ANO2: variants seen among roughly 807,000 people sequenced by gnomAD.
ANO2 encodes anoctamin-2.
ANO2 carries 101 observed loss-of-function variants against 124.2 expected under a neutral mutation model. The observed-to-expected ratio is 0.81, with a 90% confidence interval of 0.69 to 0.96. The LOEUF is 0.96. Ranked by LOEUF, ANO2 falls within the 40% of genes least tolerant of loss-of-function variation. ANO2 has a pLI of 0.00. For synonymous variants in ANO2, 486 were observed against 482.5 expected (o/e 1.01, Z -0.09); for missense variants, 1,293 against 1,274.5 (o/e 1.01, Z -0.22).
At chr12:5,610,595 ATATATT>A (rs1265231860) in intron 19 of ANO2, among the ~76,000 whole-genome samples, 1 of 142,790 alleles carries the variant, frequency 7.0e-6, no homozygotes, top group Non-Finnish European at 1.5e-5. Flanking sequence ...ATATTTATAA[ATATATT>A]TATATTTATA....
At chr12:5,584,186 G>T in intron 20 of ANO2, 1 of 149,626 alleles carries the variant, frequency 6.7e-6, no homozygotes, top group South Asian at 1.7e-4. Flanking sequence ...ACTGGCACAC[G>T]GCAGTTGCCT....
At chr12:5,804,972 A>G (rs1440802268) in intron 9 of ANO2, among the ~76,000 whole-genome samples, 1 of 152,122 alleles carries the variant, frequency 6.6e-6, no homozygotes, top group Non-Finnish European at 1.5e-5. Flanking sequence ...GAGAGAGGTG[A>G]GATGTGGTGA....
At chr12:5,597,563 T>C (rs1325352294) in intron 20 of ANO2, among the ~76,000 whole-genome samples, 3 of 152,174 alleles carry the variant, frequency 2.0e-5, no homozygotes, top group East Asian at 1.9e-4. Flanking sequence ...CTAGAAAACT[T>C]TGGGGTCTCT....
At chr12:5,580,414 G>A (rs900442265) in intron 20 of ANO2, among the ~76,000 whole-genome samples, 1 of 152,128 alleles carries the variant, frequency 6.6e-6, no homozygotes, top group African/African-American at 2.4e-5. Flanking sequence ...ACAAACTTAA[G>A]GTTTAAGCAC....
At chr12:5,592,487 G>A (rs770758338) in intron 20 of ANO2, among the ~76,000 whole-genome samples, 1 of 152,170 alleles carries the variant, frequency 6.6e-6, no homozygotes, top group Non-Finnish European at 1.5e-5. Flanking sequence ...ATACACACAC[G>A]CGGGCCTGCA....
chr12:5,711,565 C>A lies in ANO2; in HGVS notation c.1545+20955G>T, dbSNP rs1949821167. On this transcript the variant is annotated intron_variant, in intron 14 of 24. Coordinates refer to ENST00000682330, the MANE Select transcript of ANO2 (RefSeq NM_001364791.2). Reference sequence around the variant, plus strand: ...ACAGAGGCCCAGAGAATAAAAATTGCAGGTCTCATATACGTAAGACACTTT... The same window carrying A: ...ACAGAGGCCCAGAGAATAAAAATTGAAGGTCTCATATACGTAAGACACTTT... Among the ~76,000 whole-genome samples, 5 of 152,308 alleles carry A rather than the reference C, an allele frequency of 3.3e-5. No homozygotes were observed. The South Asian group carries it at 1.0e-3, about 32-fold the overall frequency.
intron 7 of ANO2, among the ~76,000 whole-genome samples, chr12:5,816,507 A>G (rs1470008857): frequency 6.6e-6 from 1 of 152,120 alleles, no homozygotes; most frequent in Non-Finnish European, 1.5e-5. Context: ...GCTACTGTGA[A>G]GTTAACAGAC....
intron 10 of ANO2, among the ~76,000 whole-genome samples, chr12:5,770,599 C>G (rs1952048120): frequency 6.6e-6 from 1 of 152,168 alleles, no homozygotes; most frequent in Non-Finnish European, 1.5e-5. Context: ...AACCATGTGT[C>G]ACCATCTCCA....
At chr12:5,798,014 G>A (rs1264109883) in intron 10 of ANO2, among the ~76,000 whole-genome samples, 4 of 152,092 alleles carry the variant, frequency 2.6e-5, no homozygotes, top group Admixed American at 6.5e-5. Context: ...AAGTCTCTGC[G>A]GGAAAAGATA....
intron 4 of ANO2, among the ~76,000 whole-genome samples, chr12:5,849,930 G>A (rs1023214898): frequency 1.6e-4 from 24 of 152,068 alleles, no homozygotes; most frequent in African/African-American, 3.9e-4. Flanking sequence ...AGCGAGTCTC[G>A]TCTTCCATTT....
At chr12:5,594,349 T>A (rs1385645400) in intron 20 of ANO2, among the ~76,000 whole-genome samples, 1 of 152,168 alleles carries the variant, frequency 6.6e-6, no homozygotes, top group African/African-American at 2.4e-5. Flanking sequence ...AGCCTTACTA[T>A]CCCTCCTCTG....
At chr12:5,914,484 G>A (rs995969322) in intron 3 of ANO2, among the ~76,000 whole-genome samples, 1 of 152,172 alleles carries the variant, frequency 6.6e-6, no homozygotes, top group African/African-American at 2.4e-5. Flanking sequence ...CCGAGACAGA[G>A]TAGGGCTCCA....
At chr12:5,752,369 T>G (rs1441668427) in intron 10 of ANO2, among the ~76,000 whole-genome samples, 4 of 152,310 alleles carry the variant, frequency 2.6e-5, no homozygotes, top group Middle Eastern at 3.4e-3. Context: ...GCACCAACAC[T>G]TTTTATCTTT....
At position 5,900,859 on chromosome 12, in the gene ANO2, G is replaced by A. The variant is rs1447571690; in HGVS notation, c.534+20181C>T. Among the ~76,000 whole-genome samples, 3 of 152,166 alleles carry A rather than the reference G, an allele frequency of 2.0e-5. No individual in the cohort carries two copies. The highest frequency in any genetic ancestry group is 4.8e-5 in the African/African-American group (2 of 41,434). ...GGCAGGAAGGCGTCTCCTTGTTCTC[G>A]GCTCAGGAGACTCAGAGAAAGCCCA... On this transcript the variant is annotated intron_variant, in intron 3 of 24. Transcript: ENST00000682330. This position sits in a 1 kb window ranked among gnomAD's most constrained non-coding sequence, Gnocchi z 4.2.
chr12:5,647,741 AG>A lies in ANO2; in HGVS notation c.1605del (p.Ser536ProfsTer5), dbSNP rs770251119. 1 of 1,609,916 alleles carries A rather than the reference AG, an allele frequency of 6.2e-7. No individual in the cohort carries two copies. Among genetic ancestry groups the A allele is most frequent in the Non-Finnish European group, 8.5e-7 (1 of 1,178,418 alleles). ...AAGGAAATTACCATGAATAAGATGGAGGCAAAGTTCATCAGGTAACCTGGGA... is the reference window on the plus strand; with the variant it reads ...AAGGAAATTACCATGAATAAGATGGAGCAAAGTTCATCAGGTAACCTGGGA... The part of the protein sequence containing the change: ...DRFPGYLMNF[A>X]SILFMIALTF... On this transcript the variant is annotated frameshift_variant, in exon 15 of 25. Coordinates refer to ENST00000682330, the MANE Select transcript of ANO2 (RefSeq NM_001364791.2). LOFTEE classifies it high-confidence loss of function.
chr12:5,922,295 A>T, intron 2 of ANO2, among the ~76,000 whole-genome samples: 1 of 152,200 alleles, frequency 6.6e-6, no homozygotes, highest in Non-Finnish European at 1.5e-5. Flanking sequence ...CTCCAGGCAC[A>T]AGGGAGAGAC....
chr12:5,911,962 G>A (rs1012777607), intron 3 of ANO2, among the ~76,000 whole-genome samples: 1 of 152,208 alleles, frequency 6.6e-6, no homozygotes, highest in Non-Finnish European at 1.5e-5. Context: ...CTAAGGTGAT[G>A]CACAGACCAG....
Position 5,615,280 on chromosome 12 carries a change from G to A in ANO2, c.1834C>T (p.Gln612Ter). 6.2e-7 allele frequency: 1 copy of A among 1,613,230 alleles called. No homozygotes were observed. The highest frequency in any genetic ancestry group is 8.5e-7 in the Non-Finnish European group (1 of 1,179,570). ...AGGATCAGGCGCTCTTCAAAAGTCT[G>A]TTCTGTTTTCGGAACCTCTGTAAGA... ...LTKIEVPKTEQTFEERLILKA... is the reference protein window; with the variant it reads ...LTKIEVPKTE Residue 612 changes from glutamine (Q) to a stop codon, truncating the protein, a stop_gained, in exon 17 of 25, where the codon CAG becomes TAG. Transcript: ENST00000682330. LOFTEE classifies it high-confidence loss of function.
At chr12:5,796,287 T>A (rs771382879) in intron 10 of ANO2, among the ~76,000 whole-genome samples, 12 of 139,976 alleles carry the variant, frequency 8.6e-5, no homozygotes, top group Non-Finnish European at 1.6e-4. Context: ...GCACACACAC[T>A]CATTCACACG....
Sources: gnomAD v4.1 joint callset for allele counts (sites outside exome capture counted in the v4.1 genomes callset) on GRCh38, gnomAD v4.1.1 for gene constraint, Gnocchi (gnomAD v3.1) non-coding constraint, MANE v1.5 for transcripts, NCBI Gene and HGNC (gene_info 2026-07-23, HGNC 2026-07-21) for gene names.